PTPRO: variants seen among roughly 807,000 people sequenced by gnomAD.
PTPRO encodes the protein receptor-type tyrosine-protein phosphatase O.
A neutral mutation model predicts 145.2 loss-of-function variants in PTPRO; 62 were observed. The observed-to-expected ratio is 0.43, with a 90% CI of 0.35 to 0.53. PTPRO has a LOEUF of 0.53. Among genes scored for constraint, PTPRO ranks in the 20% least tolerant of loss-of-function variants. PTPRO has a pLI of 0.01. For synonymous variants in PTPRO, 565 were observed against 514.7 expected, an observed-to-expected ratio of 1.10 and a Z score of -1.32; for missense variants, 1,345 against 1,482.7, an observed-to-expected ratio of 0.91 and a Z score of 1.53.
intron 1 of PTPRO, among the ~76,000 whole-genome samples, chr12:15,355,964 T>A (rs1937973589): frequency 6.6e-6 from 1 of 152,208 alleles, no homozygotes; most frequent in South Asian, 2.1e-4. Flanking sequence ...TGCATAAATA[T>A]GACTGTGTAC....
intron 19 of PTPRO, among the ~76,000 whole-genome samples, chr12:15,570,329 T>A (rs1202133211): frequency 1.3e-5 from 2 of 152,132 alleles, no homozygotes; most frequent in African/African-American, 4.8e-5. Context: ...GTAGTTTTTT[T>A]TTTTTATAAA....
At chr12:15,426,038 TA>T (rs137886719) in intron 1 of PTPRO, among the ~76,000 whole-genome samples, 9,234 of 151,712 alleles carry the variant, frequency 0.061, 331 homozygotes, top group African/African-American at 0.088. Context: ...TCAAAATAAT[TA>T]ACTTTTTCAT....
At chr12:15,538,749 T>C (rs907908410) in intron 12 of PTPRO, among the ~76,000 whole-genome samples, 1 of 152,212 alleles carries the variant, frequency 6.6e-6, no homozygotes, top group African/African-American at 2.4e-5. Flanking sequence ...TCCCCACTTA[T>C]ATGCAACTGA....
chr12:15,451,714 A>G (rs1373591630), intron 1 of PTPRO, among the ~76,000 whole-genome samples: 1 of 152,234 alleles, frequency 6.6e-6, no homozygotes, highest in Non-Finnish European at 1.5e-5. Flanking sequence ...ATGCAAATAC[A>G]TAGAAATTAA....
chr12:15,353,973 T>C (rs1304740), intron 1 of PTPRO, among the ~76,000 whole-genome samples: 36,695 of 151,900 alleles, frequency 0.24, 4,604 homozygotes, highest in Non-Finnish European at 0.29. Context: ...CTGGGCTCAC[T>C]GGTTTTGGCA....
intron 1 of PTPRO, among the ~76,000 whole-genome samples, chr12:15,454,511 A>T (rs990130290): frequency 6.6e-6 from 1 of 152,186 alleles, no homozygotes; most frequent in Non-Finnish European, 1.5e-5. Context: ...CTTCCATTAC[A>T]TAGATCGTCT....
At chr12:15,513,173 G>GAA (rs1565675765) in intron 7 of PTPRO, among the ~76,000 whole-genome samples, 1 of 80,928 alleles carries the variant, frequency 1.2e-5, no homozygotes, top group African/African-American at 5.7e-5. Flanking sequence ...AAGAAAGAAA[G>GAA]AAAGAAAGAA....
chr12:15,582,971 A>G (rs1012903425), intron 23 of PTPRO, among the ~76,000 whole-genome samples: 2 of 152,212 alleles, frequency 1.3e-5, no homozygotes, highest in African/African-American at 4.8e-5. Flanking sequence ...CCTATAGAAT[A>G]TACAGTTTTT....
At chr12:15,364,978 G>A (rs1938318210) in intron 1 of PTPRO, among the ~76,000 whole-genome samples, 1 of 152,092 alleles carries the variant, frequency 6.6e-6, no homozygotes, top group Non-Finnish European at 1.5e-5. Context: ...TAAATCTCTT[G>A]CTTTCTTTAG....
intron 1 of PTPRO, among the ~76,000 whole-genome samples, chr12:15,411,526 G>C (rs931290775): frequency 1.5e-4 from 23 of 152,188 alleles, no homozygotes; most frequent in African/African-American, 5.6e-4. Flanking sequence ...AAAGTAGTGG[G>C]TCTGTAAGAT....
chr12:15,353,928 T>C (rs1937895249), intron 1 of PTPRO, among the ~76,000 whole-genome samples: 1 of 152,216 alleles, frequency 6.6e-6, no homozygotes, highest in African/African-American at 2.4e-5. Flanking sequence ...ATCCCACTCG[T>C]TTCCATAAAA....
At chr12:15,466,482 G>C (rs1014978796) in intron 1 of PTPRO, among the ~76,000 whole-genome samples, 1 of 152,148 alleles carries the variant, frequency 6.6e-6, no homozygotes, top group Admixed American at 6.5e-5. Flanking sequence ...TTTTTTGCCT[G>C]TTGGATTTCT....
intron 12 of PTPRO, among the ~76,000 whole-genome samples, chr12:15,534,446 C>T (rs1013790100): frequency 1.3e-5 from 2 of 152,048 alleles, no homozygotes; most frequent in African/African-American, 2.4e-5. Flanking sequence ...TTGTGGTAGT[C>T]GTGATGGTAA....
At chr12:15,493,815 C>T (rs1012328028) in intron 2 of PTPRO, among the ~76,000 whole-genome samples, 5 of 152,140 alleles carry the variant, frequency 3.3e-5, no homozygotes, top group Non-Finnish European at 7.4e-5. Context: ...AGGCGACATG[C>T]CGCAAACATT....
chr12:15,544,835 GA>G lies in PTPRO; in HGVS notation c.2165-1732del, dbSNP rs543237143. ...TTCATTAGCAGTCTTCCTCAGAGCAGAAGTGGGACAATACAATGCCTGGAGG... is the reference window on the plus strand; with the variant it reads ...TTCATTAGCAGTCTTCCTCAGAGCAGAGTGGGACAATACAATGCCTGGAGG... On this transcript the variant is annotated intron_variant, in intron 12 of 26. Coordinates refer to ENST00000281171, the MANE Select transcript of PTPRO (RefSeq NM_030667.3). 1.2e-4 allele frequency among the ~76,000 whole-genome samples: 18 copies of G among 152,308 alleles called. No homozygotes were observed. In the South Asian group the frequency reaches 2.5e-3, roughly 21 times the overall value.
chr12:15,531,519 A>G (rs570218792), intron 12 of PTPRO, among the ~76,000 whole-genome samples: 1 of 152,276 alleles, frequency 6.6e-6, no homozygotes, highest in Non-Finnish European at 1.5e-5. Context: ...ACAACTGGAA[A>G]GTGACTGTGT....
At chr12:15,450,802 TAC>T (rs1941025916) in intron 1 of PTPRO, among the ~76,000 whole-genome samples, 1 of 151,912 alleles carries the variant, frequency 6.6e-6, no homozygotes, top group Non-Finnish European at 1.5e-5. Flanking sequence ...ATAAAAAAAC[TAC>T]CAAGCCAGCA....
Position 15,496,674 on chromosome 12 carries a change from G to T in PTPRO, c.350-571G>T, listed in dbSNP as rs184022086. 8.0e-3 allele frequency among the ~76,000 whole-genome samples: 1,218 copies of T among 152,164 alleles called. 14 individuals carry two copies. Among genetic ancestry groups the T allele is most frequent in the African/African-American group, 0.028 (1,171 of 41,502 alleles). Reference sequence around the variant, plus strand: ...TAAATTTCTACAGAAAGAGTGGTTTGATAAACACCACAAAACATATGTTTT... The same window carrying T: ...TAAATTTCTACAGAAAGAGTGGTTTTATAAACACCACAAAACATATGTTTT... On this transcript the variant is annotated intron_variant, in intron 2 of 26. Coordinates refer to ENST00000281171, the MANE Select transcript of PTPRO (RefSeq NM_030667.3).
At chr12:15,537,875 GACAA>G (rs372967884) in intron 12 of PTPRO, among the ~76,000 whole-genome samples, 181 of 152,260 alleles carry the variant, frequency 1.2e-3, no homozygotes, top group Middle Eastern at 3.4e-3. Flanking sequence ...GACAATGACA[GACAA>G]ACAGACAGTA....
Sources: gnomAD v4.1 joint callset for allele counts (sites outside exome capture counted in the v4.1 genomes callset) on GRCh38, gnomAD v4.1.1 for gene constraint, MANE v1.5 for transcripts, NCBI Gene and HGNC (gene_info 2026-07-23, HGNC 2026-07-21) for gene names.